The following MED4 variants were observed in gnomAD, a reference collection of about 807,000 sequenced individuals.
MED4 encodes the protein mediator of RNA polymerase II transcription subunit 4.
In MED4, 21 loss-of-function variants were observed where a neutral mutation model predicts 35.0. The observed-to-expected ratio is 0.60, with a 90% confidence interval of 0.43 to 0.86. The LOEUF is 0.86. MED4 is among the 40% of genes least tolerant of loss of function. The probability of loss-of-function intolerance (pLI) is 0.00; values close to 1 mark genes in which losing one functional copy is unlikely to be tolerated. For synonymous variants in MED4, 138 were observed against 114.0 expected (o/e 1.21, Z -1.34); for missense variants, 300 against 319.4 (o/e 0.94, Z 0.46).
At chr13:48,080,696 G>A (rs1196683643) in intron 5 of MED4, among the ~76,000 whole-genome samples, 2 of 150,818 alleles carry the variant, frequency 1.3e-5, no homozygotes, top group Non-Finnish European at 3.0e-5. Flanking sequence ...TTATAAGACA[G>A]AAAGGACTGG....
At chr13:48,090,597 C>A (rs186739346) in intron 1 of MED4, among the ~76,000 whole-genome samples, 179 bp from the exon 2 acceptor site, 1 of 152,146 alleles carries the variant, frequency 6.6e-6, no homozygotes, top group Non-Finnish European at 1.5e-5. Flanking sequence ...ATAGCTATCA[C>A]CTAAATGCCA....
rs1950760677 is a variant in MED4, at chr13:48,076,596, T to G, written c.*543A>C. 6.6e-6 allele frequency: 1 copy of G among 152,094 alleles called. No individual in the cohort carries two copies. The highest frequency in any genetic ancestry group is 2.4e-5 in the African/African-American group (1 of 41,416). The allele number at this position is 152,094 out of a possible 1,614,324, so 9.4% of individuals were successfully genotyped here. A position where few individuals can be genotyped will look rare whatever the true frequency, so the allele number is the denominator to read the frequency against. On this transcript the variant is annotated 3_prime_UTR_variant, in exon 7 of 7. Coordinates refer to ENST00000258648, the MANE Select transcript of MED4 (RefSeq NM_014166.4). ...AAAAGCATACAATGTACAAACAAAT[T>G]TATTTACAAAAATTACAATTACAAA...
In MED4 at chr13:48,077,070, T is replaced by C; in HGVS notation, c.*69A>G. 13 of 1,360,174 alleles carry C rather than the reference T, an allele frequency of 9.6e-6. No individual in the cohort carries two copies. Among genetic ancestry groups the C allele is most frequent in the Non-Finnish European group, 1.2e-5 (12 of 1,011,788 alleles). The allele number at this position is 1,360,174 out of a possible 1,614,324, so 84.3% of individuals were successfully genotyped here. Reference sequence around the variant, plus strand: ...TATTTTTTGTCACCTGTAGTTTACATTTCCCTGCTACTGTTAAAGAAACAG... The same window carrying C: ...TATTTTTTGTCACCTGTAGTTTACACTTCCCTGCTACTGTTAAAGAAACAG... On this transcript the variant is annotated 3_prime_UTR_variant, in exon 7 of 7. Coordinates refer to ENST00000258648, the MANE Select transcript of MED4 (RefSeq NM_014166.4).
chr13:48,085,054 GA>G (rs1414762822), intron 3 of MED4, among the ~76,000 whole-genome samples: 1 of 151,698 alleles, frequency 6.6e-6, no homozygotes, highest in African/African-American at 2.4e-5. Context: ...ATTTTTAGTA[GA>G]GATGGATTTC....
At chr13:48,079,382 A>C (rs1197378555) in intron 6 of MED4, among the ~76,000 whole-genome samples, 1 of 152,226 alleles carries the variant, frequency 6.6e-6, no homozygotes, top group Non-Finnish European at 1.5e-5. Context: ...TTCTAATTTC[A>C]TACCTCCCTC....
chr13:48,082,826 C>CAA (rs66859292), intron 4 of MED4, among the ~76,000 whole-genome samples: 17 of 136,068 alleles, frequency 1.2e-4, no homozygotes, highest in African/African-American at 1.6e-4. Flanking sequence ...GACTCCGTCT[C>CAA]AAAAAAAAAA....
At chr13:48,084,761 C>T (rs941471759) in intron 3 of MED4, among the ~76,000 whole-genome samples, 2 of 151,952 alleles carry the variant, frequency 1.3e-5, no homozygotes, top group Non-Finnish European at 2.9e-5. Flanking sequence ...CTCTTCTTTC[C>T]ATTTTTCTGT....
chr13:48,094,828 C>A, intron 1 of MED4, 126 bp downstream of exon 1: 2 of 1,370,386 alleles, frequency 1.5e-6, no homozygotes, highest in Non-Finnish European at 2.0e-6. Flanking sequence ...GACCCTCATG[C>A]ACCCGAAACT....
At chr13:48,085,170 ATTTTTTTTTTTTTT>A (rs56225303) in intron 3 of MED4, among the ~76,000 whole-genome samples, 1 of 139,356 alleles carries the variant, frequency 7.2e-6, no homozygotes, top group East Asian at 2.0e-4. Flanking sequence ...TGCCCAGCTA[ATTTTTTTTTTTTTT>A]TTTTTTTTTG....
Position 48,080,741 on chromosome 13 carries a change from CTT to C in MED4, c.509-768_509-767del, listed in dbSNP as rs11299325. Among the ~76,000 whole-genome samples the C allele has an allele frequency of 2.4e-3, 353 of 146,646 alleles. 2 individuals carry two copies. Among genetic ancestry groups the C allele is most frequent in the African/African-American group, 8.0e-3 (323 of 40,626 alleles). ...TAGAAGGACTGTCTCAATTTAAAAT[CTT>C]TTTTTTTTTTTACATTTTTCATCTT... On this transcript the variant is annotated intron_variant, in intron 5 of 6. Transcript: ENST00000258648.
intron 6 of MED4, 187 bp from the exon 7 acceptor site, chr13:48,077,498 C>T: frequency 2.5e-6 from 1 of 407,072 alleles, no homozygotes; most frequent in Non-Finnish European, 4.3e-6. Flanking sequence ...CACTGAAGCC[C>T]TGACCTAGGC....
At chr13:48,086,993 C>T (rs192419849) in intron 2 of MED4, among the ~76,000 whole-genome samples, 1 of 151,728 alleles carries the variant, frequency 6.6e-6, no homozygotes, top group Admixed American at 6.6e-5. Context: ...TTGCAGTGAG[C>T]CAAGATCACG....
intron 2 of MED4, among the ~76,000 whole-genome samples, chr13:48,086,698 T>G (rs778246001): frequency 1.1e-4 from 16 of 152,190 alleles, no homozygotes; most frequent in Non-Finnish European, 2.9e-5. Flanking sequence ...CTTTCAGAAC[T>G]AGCAATATGG....
rs1191290725 is a variant in MED4, at chr13:48,083,366, C to T, written c.421+5G>A. On this transcript the variant is annotated splice_donor_5th_base_variant and intron_variant, in intron 4 of 6. Coordinates refer to ENST00000258648, the MANE Select transcript of MED4 (RefSeq NM_014166.4). ...CAGGTCATTCAGTCTTCCCATGATA[C>T]TAACCTTTTCTTGCTTTTTCTATTG... 4 of 1,611,888 alleles carry T rather than the reference C, an allele frequency of 2.5e-6. No individual in the cohort carries two copies. In the Admixed American group the frequency reaches 6.7e-5, roughly 27 times the overall value.
At chr13:48,087,991 T>C (rs1950865044) in intron 2 of MED4, among the ~76,000 whole-genome samples, 1 of 152,320 alleles carries the variant, frequency 6.6e-6, no homozygotes, top group South Asian at 2.1e-4. Flanking sequence ...CTGCTAGCTG[T>C]GTGACACAGG....
At chr13:48,088,387 G>A (rs1463538102) in intron 2 of MED4, among the ~76,000 whole-genome samples, 1 of 152,204 alleles carries the variant, frequency 6.6e-6, no homozygotes. Flanking sequence ...ACAAAAGACT[G>A]AGCTACAAAC....
Position 48,077,067 on chromosome 13 carries a change from A to C in MED4, c.*72T>G. 7.5e-7 allele frequency: 1 copy of C among 1,341,380 alleles called. No homozygotes were observed. The highest frequency in any genetic ancestry group is 2.7e-5 in the East Asian group (1 of 37,440). 83.1% of individuals were successfully genotyped at this position (1,341,380 alleles called of 1,614,324 possible). A position where few individuals can be genotyped will look rare whatever the true frequency, so the allele number is the denominator to read the frequency against. On this transcript the variant is annotated 3_prime_UTR_variant, in exon 7 of 7. Coordinates refer to ENST00000258648, the MANE Select transcript of MED4 (RefSeq NM_014166.4). ...GGGTATTTTTTGTCACCTGTAGTTT[A>C]CATTTCCCTGCTACTGTTAAAGAAA...
Position 48,086,526 on chromosome 13 carries a change from T to C in MED4, c.193-74A>G, listed in dbSNP as rs553539682. Reference sequence around the variant, plus strand: ...GCATTCCAATGAAACAAAGAATCCGTAACTGAATTGGCTAGGCTATAAATT... The same window carrying C: ...GCATTCCAATGAAACAAAGAATCCGCAACTGAATTGGCTAGGCTATAAATT... On this transcript the variant is annotated intron_variant, in intron 2 of 6. Coordinates refer to ENST00000258648, the MANE Select transcript of MED4 (RefSeq NM_014166.4). 23 of 1,366,562 alleles carry C rather than the reference T, an allele frequency of 1.7e-5. No homozygotes were observed. In the Admixed American group the frequency reaches 4.4e-4, roughly 26 times the overall value. The allele number at this position is 1,366,562 out of a possible 1,614,324, so 84.7% of individuals were successfully genotyped here.
chr13:48,086,173 G>C, intron 3 of MED4, 109 bp downstream of exon 3: 1 of 1,001,790 alleles, frequency 1.0e-6, no homozygotes, highest in Non-Finnish European at 1.5e-6. Context: ...ATCACCTTTA[G>C]ACTTGGAAAG....
Sources: gnomAD v4.1 joint callset for allele counts (sites outside exome capture counted in the v4.1 genomes callset) on GRCh38, gnomAD v4.1.1 for gene constraint, MANE v1.5 for transcripts, NCBI Gene and HGNC (gene_info 2026-07-23, HGNC 2026-07-21) for gene names.